The following METTL22 variants were observed in gnomAD, a reference collection of about 807,000 sequenced individuals.
The protein encoded by METTL22 is methyltransferase-like protein 22.
In METTL22, 51 loss-of-function variants were observed where a neutral mutation model predicts 48.4. The ratio of observed to expected loss-of-function variants is 1.05; its 90% confidence interval spans 0.84 to 1.33. The LOEUF (loss-of-function observed/expected upper bound fraction) is 1.33, where lower values mean the gene tolerates loss of function less well. Ranked by LOEUF, METTL22 falls within the 40% of genes most tolerant of loss-of-function variation. METTL22 has a pLI of 0.00. For missense variants in METTL22, 678 were observed against 526.9 expected (o/e 1.29, Z -2.81); for synonymous variants, 255 against 214.1 (o/e 1.19, Z -1.67).
chr16:8,659,740 T>TC, the METTL22 span, among the ~76,000 whole-genome samples: 1 of 151,810 alleles, frequency 6.6e-6, no homozygotes, highest in East Asian at 1.9e-4. Flanking sequence ...TTTTTTTTTT[T>TC]CCAGACAGCG....
chr16:8,662,661 A>G, the METTL22 span, among the ~76,000 whole-genome samples: 2 of 143,668 alleles, frequency 1.4e-5, no homozygotes, highest in African/African-American at 5.2e-5. Flanking sequence ...GGTCCTGGAG[A>G]CAGGGACAAA....
chr16:8,627,558 G>C (rs1596334116), intron 2 of METTL22, among the ~76,000 whole-genome samples: 3 of 152,104 alleles, frequency 2.0e-5, no homozygotes, highest in Admixed American at 2.0e-4. Context: ...CCCTAATTTG[G>C]ATGGTACATT....
intron 10 of METTL22, 166 bp from the exon 11 acceptor site, chr16:8,645,942 C>T: frequency 7.9e-7 from 1 of 1,261,518 alleles, no homozygotes; most frequent in Non-Finnish European, 9.8e-7. Flanking sequence ...CAGCCCAGAG[C>T]AACAAAGAAA....
downstream of METTL22, among the ~76,000 whole-genome samples, chr16:8,651,877 G>T (rs1423963539): frequency 6.6e-6 from 1 of 152,142 alleles, no homozygotes; most frequent in East Asian, 1.9e-4. Flanking sequence ...GATGGGGGAC[G>T]AGGAGGGAGA....
the METTL22 span, among the ~76,000 whole-genome samples, chr16:8,662,346 A>G: frequency 6.9e-6 from 1 of 145,312 alleles, no homozygotes; most frequent in African/African-American, 2.6e-5. Context: ...CCCAGGGTGA[A>G]TATTGTTTGT....
intron 5 of METTL22, among the ~76,000 whole-genome samples, chr16:8,637,391 TAATAGCAGAC>T (rs563139896): frequency 0.017 from 2,580 of 152,346 alleles, 72 homozygotes; most frequent in African/African-American, 0.058. Flanking sequence ...CCCTGGTGCC[TAATAGCAGAC>T]TATAAAGAAG....
At chr16:8,643,131 G>A (rs929317122) in intron 9 of METTL22, among the ~76,000 whole-genome samples, 3 of 152,154 alleles carry the variant, frequency 2.0e-5, no homozygotes, top group Admixed American at 1.3e-4. Flanking sequence ...TCTGAAGATC[G>A]TTCGGAATCC....
chr16:8,638,328 A>G (rs1017736258), intron 5 of METTL22, among the ~76,000 whole-genome samples: 5 of 152,210 alleles, frequency 3.3e-5, no homozygotes, highest in African/African-American at 1.2e-4. Flanking sequence ...CCACGCCCAC[A>G]GTGGACCAAG....
Position 8,629,034 on chromosome 16 carries a change from C to A in METTL22, c.438C>A (p.Pro146=). The A allele has an allele frequency of 1.2e-6, 2 of 1,614,072 alleles. No homozygotes were observed. Among genetic ancestry groups the A allele is most frequent in the Middle Eastern group, 1.6e-4 (1 of 6,062 alleles). Residue 146 remains proline, a synonymous_variant, in exon 3 of 11, where the codon CCC becomes CCA. Coordinates refer to ENST00000381920, the MANE Select transcript of METTL22 (RefSeq NM_024109.4). Reference sequence around the variant, plus strand: ...GGCCTCTGAGAGACAAGGTACATCCCATGATTCTAGCACAGGAAGAAGACG... The same window carrying A: ...GGCCTCTGAGAGACAAGGTACATCCAATGATTCTAGCACAGGAAGAAGACG... ...PAGPLRDKVH[P]MILAQEEDDV... is the part of the protein sequence containing the mutation.
At chr16:8,628,626 TA>T (rs2141701749) in intron 2 of METTL22, 103 bp from the exon 3 acceptor site, 1 of 1,450,088 alleles carries the variant, frequency 6.9e-7, no homozygotes, top group African/African-American at 1.4e-5. Flanking sequence ...ACCTGGCCTT[TA>T]AAAATCTTTC....
Position 8,649,364 on chromosome 16 carries a change from A to C in METTL22, c.*3221A>C, listed in dbSNP as rs2056858415. ...TTTGGCAGCGATATTCAGAATCACC[A>C]AACCATGGGGATGTTCTGCTAGGTA... is the stretch of plus-strand genomic sequence containing the variant. On this transcript the variant is annotated 3_prime_UTR_variant, in exon 11 of 11. Coordinates refer to ENST00000381920, the MANE Select transcript of METTL22 (RefSeq NM_024109.4). 6.6e-6 allele frequency: 1 copy of C among 152,172 alleles called. No homozygotes were observed. Among genetic ancestry groups the C allele is most frequent in the South Asian group, 2.1e-4 (1 of 4,830 alleles). The allele number at this position is 152,172 out of a possible 1,614,324, so 9.4% of individuals were successfully genotyped here.
the METTL22 span, among the ~76,000 whole-genome samples, chr16:8,661,064 G>T: frequency 6.6e-6 from 1 of 152,308 alleles, no homozygotes; most frequent in African/African-American, 2.4e-5. Flanking sequence ...CCCAGGTTCC[G>T]CGGCTTGAGG....
At chr16:8,642,618 C>G (rs1230789257) in intron 9 of METTL22, 53 bp downstream of exon 9, 6 of 1,505,884 alleles carry the variant, frequency 4.0e-6, no homozygotes, top group Non-Finnish European at 5.5e-6. Context: ...CAGCGGAACT[C>G]TCACCTCCTA....
At chr16:8,665,241 G>T in the METTL22 span, among the ~76,000 whole-genome samples, 2 of 152,162 alleles carry the variant, frequency 1.3e-5, no homozygotes, top group African/African-American at 4.8e-5. Context: ...AGGAGATCGA[G>T]GCTGCAGTGA....
At chr16:8,665,649 C>T in the METTL22 span, among the ~76,000 whole-genome samples, 1 of 152,212 alleles carries the variant, frequency 6.6e-6, no homozygotes, top group African/African-American at 2.4e-5. Flanking sequence ...AAAAACCCTA[C>T]TCTGGGCTCT....
chr16:8,632,389 G>A (rs1036932329), intron 3 of METTL22, among the ~76,000 whole-genome samples: 1 of 152,130 alleles, frequency 6.6e-6, no homozygotes, highest in African/African-American at 2.4e-5. Flanking sequence ...AGAAAAATAT[G>A]GGTCTCACTT....
chr16:8,641,568 G>T (rs1212480953), intron 7 of METTL22: 1 of 480,620 alleles, frequency 2.1e-6, no homozygotes, highest in Non-Finnish European at 4.1e-6. Flanking sequence ...AAACCCCCCG[G>T]GTAGGACAGT....
At chr16:8,650,680 G>A (rs1327172046), downstream of METTL22, among the ~76,000 whole-genome samples, 3 of 152,178 alleles carry the variant, frequency 2.0e-5, no homozygotes, top group Admixed American at 6.5e-5. Flanking sequence ...CACATTCTGT[G>A]TATATAAAAC....
chr16:8,629,161 G>GGCA, intron 3 of METTL22, 51 bp downstream of exon 3: 1 of 1,577,056 alleles, frequency 6.3e-7, no homozygotes, highest in Non-Finnish European at 8.6e-7. Flanking sequence ...ACTCCGCAGT[G>GGCA]TCACTGCTCA....
Sources: gnomAD v4.1 joint callset for allele counts (sites outside exome capture counted in the v4.1 genomes callset) on GRCh38, gnomAD v4.1.1 for gene constraint, MANE v1.5 for transcripts, NCBI Gene and HGNC (gene_info 2026-07-23, HGNC 2026-07-21) for gene names.